The following REV3L variants were observed in gnomAD, a reference collection of about 807,000 sequenced individuals.
REV3L encodes the protein REV3 like, DNA directed polymerase zeta catalytic subunit.
REV3L carries 69 observed loss-of-function variants against 299.4 expected under a neutral mutation model. That is an observed-to-expected ratio of 0.23 (90% confidence interval 0.19 to 0.28). The LOEUF (loss-of-function observed/expected upper bound fraction) is 0.28, where lower values mean the gene tolerates loss of function less well. Among genes scored for constraint, REV3L ranks in the 10% least tolerant of loss-of-function variants. The probability of loss-of-function intolerance (pLI) is 1.00; values close to 1 mark genes in which losing one functional copy is unlikely to be tolerated. For synonymous variants in REV3L, 1,238 were observed against 1,271.4 expected (o/e 0.97, Z 0.56); for missense variants, 3,128 against 3,693.8 (o/e 0.85, Z 3.97).
intron 24 of REV3L, among the ~76,000 whole-genome samples, chr6:111,330,731 A>AT (rs1177853069): frequency 2.0e-5 from 3 of 152,326 alleles, no homozygotes; most frequent in African/African-American, 7.2e-5. Flanking sequence ...CAGGGACCAA[A>AT]TTCGCAGAAA....
chr6:111,361,563 A>G (rs549578456), intron 16 of REV3L: 1 of 152,240 alleles, frequency 6.6e-6, no homozygotes, highest in South Asian at 2.1e-4. Context: ...TTGCATTTCT[A>G]TTCCTTAATA....
intron 1 of REV3L, among the ~76,000 whole-genome samples, chr6:111,436,982 T>C (rs1787625686): frequency 6.6e-6 from 1 of 152,154 alleles, no homozygotes; most frequent in Non-Finnish European, 1.5e-5. Flanking sequence ...TGAGGAGATA[T>C]CAAATGGCAA....
intron 4 of REV3L, among the ~76,000 whole-genome samples, chr6:111,395,339 A>C (rs1782380835): frequency 6.6e-6 from 1 of 152,216 alleles, no homozygotes; most frequent in South Asian, 2.1e-4. Flanking sequence ...TGATCCATGA[A>C]CATGGGATGT....
intron 1 of REV3L, among the ~76,000 whole-genome samples, chr6:111,478,157 C>T (rs980040171): frequency 1.3e-5 from 2 of 152,166 alleles, no homozygotes; most frequent in African/African-American, 4.8e-5. Flanking sequence ...CATGACTAAT[C>T]CATATTTCCT....
chr6:111,332,428 TATTTA>T (rs1775494393), intron 23 of REV3L, among the ~76,000 whole-genome samples: 1 of 152,226 alleles, frequency 6.6e-6, no homozygotes, highest in South Asian at 2.1e-4. Flanking sequence ...CTTGTGAATA[TATTTA>T]AAGAATAATT....
At chr6:111,301,060 C>T (rs544433618) in intron 31 of REV3L, among the ~76,000 whole-genome samples, 2 of 152,254 alleles carry the variant, frequency 1.3e-5, no homozygotes, top group South Asian at 2.1e-4. Flanking sequence ...AAAACGAATG[C>T]ATTCTCAGGG....
chr6:111,371,706 G>C (rs1454613780), intron 13 of REV3L, among the ~76,000 whole-genome samples: 2 of 152,158 alleles, frequency 1.3e-5, no homozygotes, highest in African/African-American at 4.8e-5. Flanking sequence ...TGGGATTACA[G>C]GCACCTGCCA....
Position 111,339,346 on chromosome 6 carries a change from C to T in REV3L, c.7539-3736G>A, listed in dbSNP as rs183704412. ...CATCCTAGTTTACAAACCTAGTACA[C>T]TAGAACCTGAGATTTTGGCCAAATA... On this transcript the variant is annotated intron_variant, in intron 21 of 31. Transcript: ENST00000368802. Among the ~76,000 whole-genome samples, 4 of 152,154 alleles carry T rather than the reference C, an allele frequency of 2.6e-5. No individual in the cohort carries two copies. In the East Asian group the frequency reaches 7.7e-4, roughly 29 times the overall value.
At chr6:111,391,125 GT>G (rs917990677) in intron 5 of REV3L, among the ~76,000 whole-genome samples, 2 of 151,092 alleles carry the variant, frequency 1.3e-5, no homozygotes. Flanking sequence ...GAGTGCACTG[GT>G]GCGAACTCAG....
chr6:111,463,344 GAAGA>G (rs1791028462), intron 1 of REV3L, among the ~76,000 whole-genome samples: 1 of 152,180 alleles, frequency 6.6e-6, no homozygotes, highest in Admixed American at 6.5e-5. Context: ...TGTCCGAAGA[GAAGA>G]AAGGTTAATG....
intron 1 of REV3L, among the ~76,000 whole-genome samples, chr6:111,451,841 G>T (rs1398050082): frequency 1.9e-5 from 2 of 108,086 alleles, no homozygotes; most frequent in Non-Finnish European, 4.5e-5. Flanking sequence ...TATGAATCAC[G>T]AAAGGAAAAA....
rs187233173 is a variant in REV3L at position 111,370,041 on chromosome 6, C to T, written c.5760-2013G>A. On this transcript the variant is annotated intron_variant, in intron 13 of 31. Coordinates refer to ENST00000368802, the MANE Select transcript of REV3L (RefSeq NM_001372078.1). The stretch of plus-strand genomic sequence containing the variant: ...AGAGATGGGGTTTCACCATGTTGGC[C>T]AGGATGGTCTCGATCTCCTGACCTT... Among the ~76,000 whole-genome samples the T allele has an allele frequency of 2.6e-5, 4 of 152,088 alleles. No individual in the cohort carries two copies. The South Asian group carries it at 6.2e-4, about 24-fold the overall frequency.
intron 1 of REV3L, among the ~76,000 whole-genome samples, chr6:111,432,817 A>C (rs1003655020): frequency 1.3e-5 from 2 of 152,226 alleles, no homozygotes; most frequent in Non-Finnish European, 2.9e-5. Context: ...AGTCTCACCA[A>C]ATTTAAGTAA....
chr6:111,446,657 C>G (rs946873755), intron 1 of REV3L, among the ~76,000 whole-genome samples: 6 of 152,022 alleles, frequency 3.9e-5, no homozygotes, highest in Admixed American at 3.3e-4. Context: ...GCCAAGACCA[C>G]GCCACTGCAC....
intron 11 of REV3L, among the ~76,000 whole-genome samples, chr6:111,378,906 C>A (rs141921914): frequency 6.6e-6 from 1 of 152,284 alleles, no homozygotes; most frequent in Admixed American, 6.5e-5. Context: ...CTCTTCTTTC[C>A]CTTTCCTTTT....
At chr6:111,334,426 C>T (rs1775709954) in intron 22 of REV3L, among the ~76,000 whole-genome samples, 1 of 151,738 alleles carries the variant, frequency 6.6e-6, no homozygotes, top group Non-Finnish European at 1.5e-5. Context: ...AAGAAAGAAA[C>T]AAAATGATTA....
At chr6:111,318,770 A>C (rs1773812904) in intron 26 of REV3L, among the ~76,000 whole-genome samples, 1 of 151,934 alleles carries the variant, frequency 6.6e-6, no homozygotes, top group African/African-American at 2.4e-5. Context: ...GGGTTTCTCC[A>C]TGTTGGTCAG....
At chr6:111,446,733 C>CA (rs201702475) in intron 1 of REV3L, among the ~76,000 whole-genome samples, 15 of 148,894 alleles carry the variant, frequency 1.0e-4, no homozygotes, top group East Asian at 8.1e-4. Flanking sequence ...AACAAACAAA[C>CA]AACTCCCAAA....
chr6:111,329,446 A>C (rs1461740294), intron 25 of REV3L, 86 bp downstream of exon 25: 6 of 1,305,750 alleles, frequency 4.6e-6, no homozygotes, highest in Non-Finnish European at 6.6e-6. Flanking sequence ...CTTAGCTTCC[A>C]AAGTAACTGG....
Sources: allele counts gnomAD v4.1 joint callset (sites outside exome capture counted in the v4.1 genomes callset), GRCh38; gene constraint gnomAD v4.1.1; transcripts MANE v1.5; gene names NCBI Gene and HGNC (gene_info 2026-07-23, HGNC 2026-07-21).